CA3: variants seen among roughly 807,000 people sequenced by gnomAD.
CA3 encodes CA-III.
Under a neutral mutation model 35.7 loss-of-function variants are expected in CA3, and 30 were observed. The ratio of observed to expected loss-of-function variants is 0.84; its 90% CI spans 0.63 to 1.14. The LOEUF is 1.14. CA3 is among the 50% of genes most tolerant of loss of function. The probability of loss-of-function intolerance (pLI) is 0.00; values close to 1 mark genes in which losing one functional copy is unlikely to be tolerated. For missense variants in CA3, 295 were observed against 328.5 expected (o/e 0.90, Z 0.79); for synonymous variants, 131 against 130.8 (o/e 1.00, Z -0.01).
At position 85,448,261 on chromosome 8, in the gene CA3, C is replaced by T. The variant is rs1013618989; in HGVS notation, c.*108C>T. On this transcript the variant is annotated 3_prime_UTR_variant, in exon 7 of 7. Transcript: ENST00000285381. Reference sequence around the variant, plus strand: ...TCCAAGTCTATTTCATTTTTCCACACTGAGCAATGAATGTGAGAGATGTGG... The same window carrying T: ...TCCAAGTCTATTTCATTTTTCCACATTGAGCAATGAATGTGAGAGATGTGG... 1.7e-6 allele frequency: 2 copies of T among 1,187,214 alleles called. No individual in the cohort carries two copies. The highest frequency in any genetic ancestry group is 1.5e-5 in the African/African-American group (1 of 65,488). The allele number at this position is 1,187,214 out of a possible 1,614,324, so 73.5% of individuals were successfully genotyped here.
chr8:85,440,841 G>T (rs115556652), intron 2 of CA3, among the ~76,000 whole-genome samples: 67 of 152,202 alleles, frequency 4.4e-4, no homozygotes, highest in African/African-American at 1.1e-3. Context: ...CAGTGGTTTC[G>T]TATTGCTATT....
chr8:85,441,683 G>T (rs1811208743), intron 2 of CA3, among the ~76,000 whole-genome samples: 1 of 152,146 alleles, frequency 6.6e-6, no homozygotes, highest in Non-Finnish European at 1.5e-5. Context: ...ACTAGCAAGG[G>T]GTGAAGCCAG....
chr8:85,448,331 A>C lies in CA3; in HGVS notation c.*178A>C, dbSNP rs1413178237. ...TTGTTGAAAGAAAGTTACTTTCGACAAGATCTAATATGAAAGCATAGATTT... is the reference window on the plus strand; with the variant it reads ...TTGTTGAAAGAAAGTTACTTTCGACCAGATCTAATATGAAAGCATAGATTT... On this transcript the variant is annotated 3_prime_UTR_variant, in exon 7 of 7. Transcript: ENST00000285381. 1 of 494,578 alleles carries C rather than the reference A, an allele frequency of 2.0e-6. No homozygotes were observed. Among genetic ancestry groups the C allele is most frequent in the East Asian group, 3.4e-5 (1 of 29,468 alleles). The allele number at this position is 494,578 out of a possible 1,614,324, so 30.6% of individuals were successfully genotyped here. A position where few individuals can be genotyped will look rare whatever the true frequency, so the allele number is the denominator to read the frequency against.
chr8:85,446,294 C>G lies in CA3; in HGVS notation c.660C>G (p.Asp220Glu). ...LLKEPMTVSS[D>E]QMAKLRSLLS... is the part of the protein sequence containing the mutation. ...AGGAGCCCATGACCGTGAGCTCTGA[C>G]CAGGTGAGCAGCCTTGTGAACACGT... Residue 220 changes from aspartate (D) to glutamate (E), a missense_variant, in exon 6 of 7, where the codon GAC becomes GAG. Asp to Glu is a conservative substitution (Grantham distance 45). Coordinates refer to ENST00000285381, the MANE Select transcript of CA3 (RefSeq NM_005181.4). The G allele has an allele frequency of 6.2e-7, 1 of 1,612,356 alleles. No homozygotes were observed. Among genetic ancestry groups the G allele is most frequent in the Non-Finnish European group, 8.5e-7 (1 of 1,178,680 alleles).
chr8:85,439,434 T>G (rs1298736327), intron 1 of CA3, among the ~76,000 whole-genome samples: 1 of 152,130 alleles, frequency 6.6e-6, no homozygotes, highest in Non-Finnish European at 1.5e-5. Context: ...TGATGGAAGG[T>G]GTCATTGGTT....
chr8:85,441,647 T>G (rs1432591086), intron 2 of CA3, among the ~76,000 whole-genome samples: 1 of 152,098 alleles, frequency 6.6e-6, no homozygotes, highest in Non-Finnish European at 1.5e-5. Context: ...TTCAGAGAAG[T>G]TTAGCAACTT....
At position 85,445,112 on chromosome 8, in the gene CA3, T is replaced by A. The variant is rs746649156; in HGVS notation, c.445-44T>A. 2.3e-6 allele frequency: 3 copies of A among 1,300,036 alleles called. No individual in the cohort carries two copies. In the Admixed American group the frequency reaches 5.9e-5, roughly 25 times the overall value. 80.5% of individuals were successfully genotyped at this position (1,300,036 alleles called of 1,614,324 possible). A position where few individuals can be genotyped will look rare whatever the true frequency, so the allele number is the denominator to read the frequency against. ...CAGCTTTGAAGACAATCCTAAACTA[T>A]GGAGAAGTAAAAGAACTATACTTGG... On this transcript the variant is annotated intron_variant, in intron 4 of 6. Transcript: ENST00000285381.
At position 85,438,994 on chromosome 8, in the gene CA3, AG is replaced by A. The variant is rs1267851886; in HGVS notation, c.34+52del. On this transcript the variant is annotated intron_variant, in intron 1 of 6. Transcript: ENST00000285381. ...CCAGGAAGGGATGCCAGTCCAGGAG[AG>A]CCCTGCCATTGCACAGAAATGGGCA... is the stretch of plus-strand genomic sequence containing the variant. 5.2e-6 allele frequency: 8 copies of A among 1,543,710 alleles called. No individual in the cohort carries two copies. In the African/African-American group the frequency reaches 9.6e-5, roughly 19 times the overall value.
chr8:85,439,697 G>C lies in CA3; in HGVS notation c.35-15G>C. The C allele has an allele frequency of 6.2e-7, 1 of 1,600,314 alleles. No individual in the cohort carries two copies. Among genetic ancestry groups the C allele is most frequent in the Non-Finnish European group, 8.5e-7 (1 of 1,169,834 alleles). ...TGCCACCAAATAAATACATCTCCTC[G>C]ACTTTATTTCCTAGGTCCTGACCAC... is the stretch of plus-strand genomic sequence containing the variant. On this transcript the variant is annotated splice_polypyrimidine_tract_variant and intron_variant, in intron 1 of 6. Transcript: ENST00000285381.
At chr8:85,441,608 T>G (rs561954041) in intron 2 of CA3, among the ~76,000 whole-genome samples, 17 of 152,306 alleles carry the variant, frequency 1.1e-4, no homozygotes, top group African/African-American at 3.9e-4. Flanking sequence ...TTGGTATTAT[T>G]ATCACCTTCT....
At chr8:85,447,932 C>A (rs940593724) in intron 6 of CA3, 102 bp from the exon 7 acceptor site, 17 of 1,115,034 alleles carry the variant, frequency 1.5e-5, no homozygotes, top group Non-Finnish European at 2.1e-5. Flanking sequence ...AACAAAAAAA[C>A]CAACAACAAA....
Position 85,442,666 on chromosome 8 carries a change from T to A in CA3, c.351+475T>A, listed in dbSNP as rs551622542. ...AGGTCGAGGCTGCAGTGAGCTGTGA[T>A]TGCGCCACTTCACTCCAGCCTGAGC... On this transcript the variant is annotated intron_variant, in intron 3 of 6. Coordinates refer to ENST00000285381, the MANE Select transcript of CA3 (RefSeq NM_005181.4). Among the ~76,000 whole-genome samples the A allele has an allele frequency of 2.0e-5, 3 of 152,250 alleles. No homozygotes were observed. In the East Asian group the frequency reaches 5.8e-4, roughly 29 times the overall value.
intron 2 of CA3, among the ~76,000 whole-genome samples, chr8:85,441,055 G>GA (rs1375270741): frequency 2.0e-5 from 3 of 152,138 alleles, no homozygotes; most frequent in African/African-American, 7.2e-5. Context: ...GGTTGGACAG[G>GA]AAAAATGCAA....
At chr8:85,443,017 T>A (rs1286318592) in intron 3 of CA3, among the ~76,000 whole-genome samples, 1 of 152,208 alleles carries the variant, frequency 6.6e-6, no homozygotes, top group African/African-American at 2.4e-5. Context: ...TATAGTGCTC[T>A]AAAAATAGCA....
In CA3 at chr8:85,444,057, G is replaced by T. The variant is rs965371263; in HGVS notation, c.375G>T (p.Pro125=). Residue 125 remains proline, a synonymous_variant, in exon 4 of 7, where the codon CCG becomes CCT. Transcript: ENST00000285381. The stretch of plus-strand genomic sequence containing the variant: ...AGCTTCATTTGGTTCACTGGAACCC[G>T]AAGTATAACACTTTTAAAGAAGCCC... The part of the protein sequence containing the change: ...AAELHLVHWN[P]KYNTFKEALK... The T allele has an allele frequency of 1.2e-5, 19 of 1,613,214 alleles. No individual in the cohort carries two copies. Among genetic ancestry groups the T allele is most frequent in the Non-Finnish European group, 1.4e-5 (17 of 1,179,310 alleles).
In CA3 at chr8:85,446,183, G is replaced by C. The variant is rs373717809; in HGVS notation, c.549G>C (p.Leu183=). Residue 183 remains leucine (L), a synonymous_variant, in exon 6 of 7, where the codon CTG becomes CTC. Transcript: ENST00000285381. ...TCACAAAGTTTGACCCATCCTGCCT[G>C]TTCCCGGCATGCCGGGACTACTGGA... is the stretch of plus-strand genomic sequence containing the variant. The part of the protein sequence containing the change: ...APFTKFDPSC[L]FPACRDYWTY... 10 of 1,613,442 alleles carry C rather than the reference G, an allele frequency of 6.2e-6. No individual in the cohort carries two copies. The highest frequency in any genetic ancestry group is 6.8e-6 in the Non-Finnish European group (8 of 1,179,592).
chr8:85,443,236 C>T (rs781631902), intron 3 of CA3, among the ~76,000 whole-genome samples: 6 of 152,098 alleles, frequency 3.9e-5, no homozygotes, highest in Admixed American at 2.6e-4. Flanking sequence ...CTCAGATCAA[C>T]GCATCAAATT....
intron 2 of CA3, among the ~76,000 whole-genome samples, chr8:85,440,962 C>T (rs1266286843): frequency 6.6e-6 from 1 of 151,998 alleles, no homozygotes; most frequent in African/African-American, 2.4e-5. Context: ...TTTTTGTGTG[C>T]AAAAATAGTT....
In CA3 at chr8:85,438,904, G is replaced by T. The variant is rs773658766; in HGVS notation, c.-6G>T. On this transcript the variant is annotated 5_prime_UTR_variant, in exon 1 of 7. Transcript: ENST00000285381. ...CAGGAGCCGTCCAGCACGGAGGAAG[G>T]CGACCATGGCCAAGGAGTGGGGCTA... 6.4e-7 allele frequency: 1 copy of T among 1,551,082 alleles called. No individual in the cohort carries two copies. Among genetic ancestry groups the T allele is most frequent in the Non-Finnish European group, 8.7e-7 (1 of 1,146,992 alleles).
Sources: allele counts gnomAD v4.1 joint callset (sites outside exome capture counted in the v4.1 genomes callset), GRCh38; gene constraint gnomAD v4.1.1; transcripts MANE v1.5; gene names NCBI Gene and HGNC (gene_info 2026-07-23, HGNC 2026-07-21).